Variants in CERS6 observed in about 807,000 individuals in gnomAD.
CERS6 encodes the protein ceramide synthase 6, also known as LAG1 homolog, ceramide synthase 6.
In CERS6, 26 loss-of-function variants were observed where a neutral mutation model predicts 56.8. That is an observed-to-expected ratio of 0.46 (90% CI 0.34 to 0.63). The LOEUF (loss-of-function observed/expected upper bound fraction) is 0.63, where lower values mean the gene tolerates loss of function less well. Ranked by LOEUF, CERS6 falls within the 30% of genes least tolerant of loss-of-function variation. The probability of loss-of-function intolerance (pLI) is 0.01; values close to 1 mark genes in which losing one functional copy is unlikely to be tolerated. For missense variants in CERS6, 415 were observed against 467.5 expected (o/e 0.89, Z 1.04); for synonymous variants, 164 against 173.3 (o/e 0.95, Z 0.42).
At chr2:168,759,130 A>G (rs1684495375) in intron 8 of CERS6, among the ~76,000 whole-genome samples, 1 of 152,160 alleles carries the variant, frequency 6.6e-6, no homozygotes, top group Non-Finnish European at 1.5e-5. Context: ...CAAGGCTAAG[A>G]TATTGGGGTG....
chr2:168,632,206 ATTATTT>A lies in CERS6; in HGVS notation c.465+1168_465+1173del, dbSNP rs1209303505. Among the ~76,000 whole-genome samples the A allele has an allele frequency of 1.2e-4, 18 of 152,214 alleles. No homozygotes were observed. The East Asian group carries it at 3.5e-3, about 29-fold the overall frequency. ...ATAGTGATTTGGCATAACATGGGGAATTATTTTTAAAAGTTCTCTATAGTATTAGCC... is the reference window on the plus strand; with the variant it reads ...ATAGTGATTTGGCATAACATGGGGAATTAAAAGTTCTCTATAGTATTAGCC... On this transcript the variant is annotated intron_variant, in intron 4 of 9. Transcript: ENST00000305747.
At chr2:168,569,487 A>G (rs1695942618) in intron 3 of CERS6, among the ~76,000 whole-genome samples, 1 of 152,196 alleles carries the variant, frequency 6.6e-6, no homozygotes, top group African/African-American at 2.4e-5. Flanking sequence ...GGTGTGACTA[A>G]GGTAGCTTGG....
chr2:168,602,418 A>G (rs900156528), intron 3 of CERS6, among the ~76,000 whole-genome samples: 2 of 152,264 alleles, frequency 1.3e-5, no homozygotes, highest in Admixed American at 1.3e-4. Context: ...TAGAAGCAAT[A>G]GCTTTAATCC....
intron 3 of CERS6, among the ~76,000 whole-genome samples, chr2:168,601,315 A>G (rs1189048021): frequency 3.3e-5 from 5 of 152,152 alleles, no homozygotes; most frequent in Admixed American, 1.3e-4. Context: ...TCTCAGTGCA[A>G]CAGATCTGTT....
intron 1 of CERS6, among the ~76,000 whole-genome samples, chr2:168,467,360 A>G (rs951664660): frequency 6.6e-6 from 1 of 152,224 alleles, no homozygotes; most frequent in Non-Finnish European, 1.5e-5. Context: ...GCTTGAGTGA[A>G]GAAAAACTGA....
chr2:168,603,175 A>C (rs1683974635), intron 3 of CERS6, among the ~76,000 whole-genome samples: 1 of 152,196 alleles, frequency 6.6e-6, no homozygotes, highest in African/African-American at 2.4e-5. Flanking sequence ...TTTGCTGAGT[A>C]TCTTGTCATT....
chr2:168,656,765 C>T (rs550163841), intron 4 of CERS6, among the ~76,000 whole-genome samples: 4 of 151,802 alleles, frequency 2.6e-5, no homozygotes, highest in East Asian at 1.9e-4. Context: ...ACTGCTGGCT[C>T]GGGCAGCCTG....
intron 1 of CERS6, among the ~76,000 whole-genome samples, chr2:168,492,082 G>T (rs1001289748): frequency 6.6e-6 from 1 of 152,108 alleles, no homozygotes; most frequent in African/African-American, 2.4e-5. Flanking sequence ...GTAAACATAC[G>T]TGTGCATGTG....
intron 3 of CERS6, among the ~76,000 whole-genome samples, chr2:168,620,618 T>C (rs767829662): frequency 1.3e-5 from 2 of 152,144 alleles, no homozygotes; most frequent in African/African-American, 2.4e-5. Context: ...TTAATAGATA[T>C]GGATTTAGTA....
intron 4 of CERS6, among the ~76,000 whole-genome samples, chr2:168,661,200 GTATCC>G (rs1685620638): frequency 6.6e-6 from 1 of 152,248 alleles, no homozygotes; most frequent in East Asian, 1.9e-4. Flanking sequence ...AAGTATAGTT[GTATCC>G]TAAGAATGAA....
chr2:168,565,113 T>G (rs1333808983), intron 3 of CERS6, among the ~76,000 whole-genome samples: 1 of 152,178 alleles, frequency 6.6e-6, no homozygotes, highest in Non-Finnish European at 1.5e-5. Flanking sequence ...AGACAGAAAT[T>G]CAGAGGAAAG....
intron 4 of CERS6, among the ~76,000 whole-genome samples, chr2:168,658,267 G>A (rs1418772726): frequency 6.6e-6 from 1 of 152,132 alleles, no homozygotes; most frequent in African/African-American, 2.4e-5. Flanking sequence ...TATACAACAG[G>A]TTTTCTCTTT....
intron 8 of CERS6, among the ~76,000 whole-genome samples, chr2:168,745,626 C>G (rs1192948036): frequency 6.6e-6 from 1 of 152,152 alleles, no homozygotes; most frequent in Non-Finnish European, 1.5e-5. Context: ...GATAAGAGAA[C>G]AAATGGAAAC....
At chr2:168,570,263 C>T (rs973557625) in intron 3 of CERS6, among the ~76,000 whole-genome samples, 5 of 152,146 alleles carry the variant, frequency 3.3e-5, no homozygotes, top group African/African-American at 7.2e-5. Context: ...AAAACCAACG[C>T]GAGTTCAGAG....
chr2:168,585,272 C>T (rs1432963043), intron 3 of CERS6, among the ~76,000 whole-genome samples: 1 of 152,250 alleles, frequency 6.6e-6, no homozygotes. Flanking sequence ...ACCCTCCTTC[C>T]TTCACTCATT....
At chr2:168,679,194 C>T (rs914232775) in intron 4 of CERS6, among the ~76,000 whole-genome samples, 2 of 152,004 alleles carry the variant, frequency 1.3e-5, no homozygotes, top group Admixed American at 6.5e-5. Flanking sequence ...GGTGGGGAGA[C>T]GTTTGTCAAC....
chr2:168,561,107 C>T, intron 2 of CERS6, 85 bp from the exon 3 acceptor site: 2 of 1,436,480 alleles, frequency 1.4e-6, no homozygotes, highest in Non-Finnish European at 1.9e-6. Context: ...GGAAAAAAAC[C>T]TCTCAGATAT....
Position 168,769,811 on chromosome 2 carries a change from G to T in CERS6, c.*149G>T, listed in dbSNP as rs1374590175. ...CATTTTGAATAGTGCACTGCCATGT[G>T]TCCTGTCTGTGAATGAAGAAGAATT... On this transcript the variant is annotated 3_prime_UTR_variant, in exon 10 of 10. Coordinates refer to ENST00000305747, the MANE Select transcript of CERS6 (RefSeq NM_203463.3). 2 of 703,838 alleles carry T rather than the reference G, an allele frequency of 2.8e-6. No homozygotes were observed. Among genetic ancestry groups the T allele is most frequent in the Admixed American group, 3.1e-5 (1 of 31,748 alleles). 43.6% of individuals were successfully genotyped at this position (703,838 alleles called of 1,614,324 possible). A position where few individuals can be genotyped will look rare whatever the true frequency, so the allele number is the denominator to read the frequency against.
intron 6 of CERS6, among the ~76,000 whole-genome samples, chr2:168,704,962 G>T (rs1004970925): frequency 6.6e-6 from 1 of 152,160 alleles, no homozygotes; most frequent in African/African-American, 2.4e-5. Flanking sequence ...CTGTTTGTTA[G>T]TCTGTCACTT....
Sources: gnomAD v4.1 joint callset for allele counts (sites outside exome capture counted in the v4.1 genomes callset) on GRCh38, gnomAD v4.1.1 for gene constraint, MANE v1.5 for transcripts, NCBI Gene and HGNC (gene_info 2026-07-23, HGNC 2026-07-21) for gene names.